The following ANK2 variants were observed in gnomAD, a reference collection of about 807,000 sequenced individuals.
ANK2 encodes the protein ankyrin-2.
A neutral mutation model predicts 360.5 loss-of-function variants in ANK2; 83 were observed. That is an observed-to-expected ratio of 0.23 (90% CI 0.19 to 0.28). The LOEUF is 0.28. Ranked by LOEUF, ANK2 falls within the 10% of genes least tolerant of loss-of-function variation. The probability of loss-of-function intolerance (pLI) is 1.00; values close to 1 mark genes in which losing one functional copy is unlikely to be tolerated. For synonymous variants in ANK2, 1,740 were observed against 1,759.5 expected (o/e 0.99, Z 0.28); for missense variants, 4,201 against 4,795.7 (o/e 0.88, Z 3.66).
intron 1 of ANK2, among the ~76,000 whole-genome samples, chr4:112,836,084 A>T (rs2060923631): frequency 6.6e-6 from 1 of 152,010 alleles, no homozygotes; most frequent in Admixed American, 6.6e-5. Context: ...CCCTACCCAA[A>T]TCTCATCTCA....
intron 2 of ANK2, among the ~76,000 whole-genome samples, chr4:113,043,617 C>A (rs1481656053): frequency 1.3e-5 from 2 of 152,066 alleles, no homozygotes; most frequent in Non-Finnish European, 2.9e-5. Context: ...TGGATTTTCT[C>A]TTTGTTATCT....
chr4:113,184,489 A>G (rs1442457572), intron 2 of ANK2, among the ~76,000 whole-genome samples: 1 of 152,076 alleles, frequency 6.6e-6, no homozygotes, highest in African/African-American at 2.4e-5. Flanking sequence ...CAAAGAGAGG[A>G]AAGATCTTAA....
intron 31 of ANK2, 28 bp from the exon 32 acceptor site, chr4:113,339,198 A>AT: frequency 4.4e-6 from 7 of 1,584,570 alleles, no homozygotes; most frequent in Non-Finnish European, 5.2e-6. Context: ...GTTTTGCCTG[A>AT]TTTTTTTCAA....
chr4:112,881,527 C>A (rs1486059699), intron 1 of ANK2, among the ~76,000 whole-genome samples: 1 of 152,002 alleles, frequency 6.6e-6, no homozygotes, highest in African/African-American at 2.4e-5. Flanking sequence ...AAGCTTTGAT[C>A]CTTGATTTTT....
chr4:113,362,861 A>G (rs1000970676), intron 39 of ANK2, among the ~76,000 whole-genome samples: 3 of 152,196 alleles, frequency 2.0e-5, no homozygotes, highest in African/African-American at 7.2e-5. Flanking sequence ...AATCAAAGAA[A>G]GGCATTTATC....
chr4:113,099,227 T>A (rs2092337044), intron 1 of ANK2, among the ~76,000 whole-genome samples: 1 of 150,912 alleles, frequency 6.6e-6, no homozygotes, highest in African/African-American at 2.4e-5. Context: ...TGTTCACAGA[T>A]GGCATAATTG....
intron 43 of ANK2, 22 bp from the exon 44 acceptor site, chr4:113,373,068 C>T (rs747947958): frequency 6.2e-7 from 1 of 1,601,774 alleles, no homozygotes; most frequent in Non-Finnish European, 8.6e-7. Context: ...ACCACAGTGA[C>T]CCTTTTCTCT....
chr4:112,932,368 T>C (rs1000691338), intron 2 of ANK2, among the ~76,000 whole-genome samples: 3 of 151,938 alleles, frequency 2.0e-5, no homozygotes, highest in Admixed American at 2.0e-4. Flanking sequence ...GGCGCGTGCC[T>C]GTAATCCCAG....
chr4:113,227,209 T>G (rs1222877874), intron 4 of ANK2, among the ~76,000 whole-genome samples: 5 of 152,172 alleles, frequency 3.3e-5, no homozygotes, highest in Admixed American at 6.5e-5. Flanking sequence ...TTTCCACATT[T>G]TAAGGACCTG....
intron 1 of ANK2, chr4:112,827,089 A>G: frequency 2.6e-6 from 3 of 1,139,352 alleles, no homozygotes; most frequent in Non-Finnish European, 4.0e-6. Flanking sequence ...AACACAGGAA[A>G]AATTATGAAG....
At chr4:112,967,641 C>T (rs1320252143) in intron 2 of ANK2, among the ~76,000 whole-genome samples, 1 of 152,078 alleles carries the variant, frequency 6.6e-6, no homozygotes, top group African/African-American at 2.4e-5. Context: ...AAGTCAAAAG[C>T]GTTAAATGAT....
At chr4:112,723,458 G>A in the ANK2 span, among the ~76,000 whole-genome samples, 1 of 152,140 alleles carries the variant, frequency 6.6e-6, no homozygotes, top group South Asian at 2.1e-4. Flanking sequence ...CCGCCTCCCG[G>A]GTTCAAGCAA....
intron 1 of ANK2, among the ~76,000 whole-genome samples, chr4:113,118,536 T>TGAA (rs2095065350): frequency 6.6e-6 from 1 of 152,188 alleles, no homozygotes; most frequent in Non-Finnish European, 1.5e-5. Context: ...TGCATTTCAG[T>TGAA]TTACTACTTA....
At position 113,354,678 on chromosome 4, in the gene ANK2, G is replaced by T; in HGVS notation, c.6060G>T (p.Gln2020His). Residue 2020 changes from glutamine (Q) to histidine (H), a missense_variant, in exon 38 of 46, where the codon CAG becomes CAT. Coordinates refer to ENST00000357077, the MANE Select transcript of ANK2 (RefSeq NM_001148.6). ...AGCACAAATCAGCAAAACAAAAGCA[G>T]CCACAAGAGAAAGGTAAAGTTCGGG... ...LFEHKSAKQK[Q>H]PQEKGKVRVE... 6.2e-7 allele frequency: 1 copy of T among 1,614,074 alleles called. No homozygotes were observed. The highest frequency in any genetic ancestry group is 1.1e-5 in the South Asian group (1 of 91,080).
At chr4:112,961,759 A>G (rs567033093) in intron 2 of ANK2, among the ~76,000 whole-genome samples, 1 of 152,278 alleles carries the variant, frequency 6.6e-6, no homozygotes, top group East Asian at 1.9e-4. Flanking sequence ...GAAAATTGCT[A>G]ATATGACTAT....
At position 112,850,504 on chromosome 4, in the gene ANK2, C is replaced by CTTTTTTT. The variant is rs60510554; in HGVS notation, c.-40+32264_-40+32270dup. On this transcript the variant is annotated intron_variant, in intron 1 of 30. Transcript: ENST00000503271. ...TTTTTTTAACATTTCCTGTGCTAGT[C>CTTTTTTT]TTTTTTTTTTTTTTTTTTTTTTTTT... is the stretch of plus-strand genomic sequence containing the variant. 2.7e-3 allele frequency among the ~76,000 whole-genome samples: 16 copies of CTTTTTTT among 5,820 alleles called. 5 individuals carry two copies. The highest frequency in any genetic ancestry group is 7.1e-3 in the African/African-American group (10 of 1,406). The allele number at this position is 5,820 out of a possible 152,430, so 3.8% of individuals were successfully genotyped here. A position where few individuals can be genotyped will look rare whatever the true frequency, so the allele number is the denominator to read the frequency against.
chr4:113,062,696 G>A (rs746969752), intron 1 of ANK2, among the ~76,000 whole-genome samples: 3 of 152,044 alleles, frequency 2.0e-5, no homozygotes, highest in Admixed American at 6.6e-5. Flanking sequence ...TTACATCACA[G>A]GAGTGATTAA....
chr4:113,216,284 C>T (rs2099084842), intron 4 of ANK2, among the ~76,000 whole-genome samples: 1 of 152,188 alleles, frequency 6.6e-6, no homozygotes. Flanking sequence ...AGAATACTCT[C>T]AGCAACCTCA....
chr4:113,004,058 G>A (rs935215770), intron 2 of ANK2, among the ~76,000 whole-genome samples: 4 of 152,196 alleles, frequency 2.6e-5, no homozygotes, highest in African/African-American at 9.7e-5. Flanking sequence ...GGAAGTCACT[G>A]TGGGTGAGTC....
Sources: gnomAD v4.1 joint callset for allele counts (sites outside exome capture counted in the v4.1 genomes callset) on GRCh38, gnomAD v4.1.1 for gene constraint, MANE v1.5 for transcripts, NCBI Gene and HGNC (gene_info 2026-07-23, HGNC 2026-07-21) for gene names.